The following PRKAR1A variants were observed in gnomAD, a reference collection of about 807,000 sequenced individuals.
The protein encoded by PRKAR1A is protein kinase cAMP-dependent type I regulatory subunit alpha, also known as cAMP-dependent protein kinase type I-alpha regulatory subunit.
PRKAR1A carries 3 observed loss-of-function variants against 52.0 expected under a neutral mutation model. The observed-to-expected ratio is 0.06, with a 90% CI of 0.03 to 0.15. PRKAR1A has a LOEUF of 0.15. Among genes scored for constraint, PRKAR1A ranks in the 10% least tolerant of loss-of-function variants. PRKAR1A has a pLI of 1.00. For missense variants in PRKAR1A, 240 were observed against 477.4 expected (o/e 0.50, Z 4.63); for synonymous variants, 188 against 168.4 (o/e 1.12, Z -0.90).
the PRKAR1A span, among the ~76,000 whole-genome samples, chr17:68,492,716 C>T: frequency 6.6e-6 from 1 of 152,254 alleles, no homozygotes; most frequent in South Asian, 2.1e-4. Context: ...TTCTTGCCTC[C>T]TCAGAAGAAA....
the PRKAR1A span, among the ~76,000 whole-genome samples, chr17:68,443,136 A>G: frequency 6.6e-6 from 1 of 152,070 alleles, no homozygotes; most frequent in Non-Finnish European, 1.5e-5. Context: ...TTTGAGACAG[A>G]GTCTCGATCT....
chr17:68,445,535 G>A, the PRKAR1A span, among the ~76,000 whole-genome samples: 17 of 152,236 alleles, frequency 1.1e-4, no homozygotes, highest in African/African-American at 3.6e-4. Flanking sequence ...AGTGCCCCAC[G>A]TCCCCACTGT....
intron 11 of PRKAR1A, among the ~76,000 whole-genome samples, chr17:68,545,241 AC>A (rs2086494415): frequency 6.6e-6 from 1 of 152,234 alleles, no homozygotes; most frequent in Non-Finnish European, 1.5e-5. Context: ...TGGTCCTGTC[AC>A]TGAATGTTGG....
chr17:68,531,297 T>G lies in PRKAR1A; in HGVS notation c.*848T>G. 4.4e-5 allele frequency: 47 copies of G among 1,066,144 alleles called. No homozygotes were observed. The highest frequency in any genetic ancestry group is 5.3e-5 in the Non-Finnish European group (47 of 879,504). 66.0% of individuals were successfully genotyped at this position (1,066,144 alleles called of 1,614,324 possible). On this transcript the variant is annotated 3_prime_UTR_variant, in exon 11 of 11. Coordinates refer to ENST00000589228, the MANE Select transcript of PRKAR1A (RefSeq NM_002734.5). The stretch of plus-strand genomic sequence containing the variant: ...TGAGAATAAGAATTTGAGGTCTACA[T>G]TCTTGGTTGTTAATTTAGAGCGTTT...
At chr17:68,515,687 A>G in intron 2 of PRKAR1A, 111 bp downstream of exon 2, 1 of 1,296,468 alleles carries the variant, frequency 7.7e-7, no homozygotes, top group Middle Eastern at 2.6e-4. Context: ...GACTAAATAA[A>G]AAGTCTAAAA....
chr17:68,422,055 G>T, the PRKAR1A span: 553 of 553,760 alleles, frequency 1.0e-3, 3 homozygotes, highest in African/African-American at 9.9e-3. Flanking sequence ...GTGTGTGTGT[G>T]TATGTATTTA....
At chr17:68,490,619 T>A in the PRKAR1A span, among the ~76,000 whole-genome samples, 3 of 152,018 alleles carry the variant, frequency 2.0e-5, no homozygotes, top group African/African-American at 7.3e-5. Context: ...TTTGGGGTAA[T>A]AAAACTTTTC....
In PRKAR1A at chr17:68,524,040, G is replaced by C. The variant is rs746705941; in HGVS notation, c.465G>C (p.Ser155=). The part of the protein sequence containing the change: ...ERSDIFDAMF[S]VSFIAGETVI... ...GTGATATTTTTGATGCCATGTTTTC[G>C]GTCTCCTTTATCGCAGGAGAGACTG... Residue 155 remains serine, a synonymous_variant, in exon 5 of 11, where the codon TCG becomes TCC. Transcript: ENST00000589228. 5.0e-6 allele frequency: 8 copies of C among 1,613,886 alleles called. No homozygotes were observed. The African/African-American group carries it at 6.7e-5, about 13-fold the overall frequency.
intron 1 of PRKAR1A, chr17:68,514,766 TA>T (rs1169030331): frequency 1.3e-5 from 2 of 152,560 alleles, no homozygotes; most frequent in African/African-American, 4.8e-5. Context: ...TATTATCATT[TA>T]GGGGTGGAAT....
At chr17:68,525,057 C>A in intron 6 of PRKAR1A, 99 bp downstream of exon 6, 3 of 928,454 alleles carry the variant, frequency 3.2e-6, no homozygotes, top group Non-Finnish European at 3.5e-6. Context: ...TCATTACATC[C>A]CTTGTATGTC....
the PRKAR1A span, among the ~76,000 whole-genome samples, chr17:68,473,459 C>G: frequency 6.6e-6 from 1 of 152,184 alleles, no homozygotes; most frequent in Non-Finnish European, 1.5e-5. Flanking sequence ...AACTACTGAT[C>G]TAGCTACAGA....
At chr17:68,536,172 C>T (rs1441766021), downstream of PRKAR1A, 1 of 454,038 alleles carries the variant, frequency 2.2e-6, no homozygotes, top group African/African-American at 2.0e-5. Flanking sequence ...TTTGCTCACA[C>T]TGCAGAAAGC....
At position 68,522,882 on chromosome 17, in the gene PRKAR1A, G is replaced by A. The variant is rs2143274565; in HGVS notation, c.304G>A (p.Ala102Thr). 6.2e-7 allele frequency: 1 copy of A among 1,613,446 alleles called. No homozygotes were observed. Reference protein sequence around the residue: ...KGRRRRGAISAEVYTEEDAAS... With the variant: ...KGRRRRGAISTEVYTEEDAAS... The stretch of plus-strand genomic sequence containing the variant: ...TAGGAGGCGACGAGGTGCTATCAGC[G>A]CTGAGGTCTACACGGAGGAAGATGC... Residue 102 changes from alanine to threonine, a missense_variant, in exon 3 of 11, where the codon GCT (alanine) becomes ACT (threonine). Transcript: ENST00000589228.
the PRKAR1A span, among the ~76,000 whole-genome samples, chr17:68,487,193 C>T: frequency 6.6e-6 from 1 of 152,160 alleles, no homozygotes; most frequent in Non-Finnish European, 1.5e-5. Context: ...TTTAATAAGA[C>T]ATTCATGTAC....
At chr17:68,507,737 C>T (rs1229012271), upstream of PRKAR1A, among the ~76,000 whole-genome samples, 1 of 152,070 alleles carries the variant, frequency 6.6e-6, no homozygotes, top group Non-Finnish European at 1.5e-5. Context: ...GGGTGACTGA[C>T]TCATCCCTAT....
chr17:68,494,614 T>C, the PRKAR1A span, among the ~76,000 whole-genome samples: 1 of 152,132 alleles, frequency 6.6e-6, no homozygotes, highest in African/African-American at 2.4e-5. Context: ...TAAAAAGCCA[T>C]GCAGCTTTTG....
the PRKAR1A span, chr17:68,435,784 CCT>C: frequency 2.2e-6 from 3 of 1,355,628 alleles, no homozygotes; most frequent in Non-Finnish European, 3.2e-6. Flanking sequence ...CCCTCCCCTT[CCT>C]CTTTTCTCCT....
chr17:68,506,672 C>T, the PRKAR1A span, among the ~76,000 whole-genome samples: 2 of 151,912 alleles, frequency 1.3e-5, no homozygotes, highest in African/African-American at 2.4e-5. Flanking sequence ...TTAGTAGAGA[C>T]GGGGTTTCAC....
At chr17:68,519,560 G>C (rs2085539017) in intron 2 of PRKAR1A, among the ~76,000 whole-genome samples, 2 of 152,300 alleles carry the variant, frequency 1.3e-5, no homozygotes, top group South Asian at 4.2e-4. Flanking sequence ...GATGAGATTT[G>C]GGTGGGGACA....
Sources: gnomAD v4.1 joint callset for allele counts (sites outside exome capture counted in the v4.1 genomes callset) on GRCh38, gnomAD v4.1.1 for gene constraint, MANE v1.5 for transcripts, NCBI Gene and HGNC (gene_info 2026-07-23, HGNC 2026-07-21) for gene names.